AXIN1: variants seen among roughly 807,000 people sequenced by gnomAD.
AXIN1 encodes axin 1, also known as axin-1.
A neutral mutation model predicts 76.4 loss-of-function variants in AXIN1; 30 were observed. The ratio of observed to expected loss-of-function variants is 0.39; its 90% CI spans 0.29 to 0.53. The LOEUF is 0.53. AXIN1 is among the 20% of genes least tolerant of loss of function. AXIN1 has a pLI of 0.66. For synonymous variants in AXIN1, 545 were observed against 501.4 expected (o/e 1.09, Z -1.16); for missense variants, 1,140 against 1,198.8 (o/e 0.95, Z 0.72).
chr16:331,150 C>A (rs189090177), intron 2 of AXIN1, among the ~76,000 whole-genome samples: 1 of 152,064 alleles, frequency 6.6e-6, no homozygotes, highest in African/African-American at 2.4e-5. Context: ...GCTGAAGCTA[C>A]AAGACGAAAA....
intron 3 of AXIN1, among the ~76,000 whole-genome samples, chr16:311,273 G>A (rs975972659): frequency 4.0e-5 from 6 of 151,666 alleles, no homozygotes; most frequent in Non-Finnish European, 5.9e-5. Flanking sequence ...CCCGTGATCC[G>A]CCTGCCTCGG....
chr16:350,578 T>C (rs2054122772), intron 1 of AXIN1, among the ~76,000 whole-genome samples: 1 of 152,156 alleles, frequency 6.6e-6, no homozygotes, highest in Non-Finnish European at 1.5e-5. Context: ...TTGATTTACA[T>C]GGAGGAGGCA....
At chr16:344,740 C>T (rs2054001054) in intron 2 of AXIN1, among the ~76,000 whole-genome samples, 1 of 152,132 alleles carries the variant, frequency 6.6e-6, no homozygotes, top group Non-Finnish European at 1.5e-5. Flanking sequence ...TCGCCCGCCT[C>T]GGCCTCCCAA....
intron 2 of AXIN1, among the ~76,000 whole-genome samples, chr16:344,354 T>C (rs13334701): frequency 0.22 from 31,517 of 141,902 alleles, 3,541 homozygotes; most frequent in South Asian, 0.32. Context: ...GGCGTGAACC[T>C]GGGAGGCGGA....
chr16:310,310 A>G (rs951639530), intron 3 of AXIN1, among the ~76,000 whole-genome samples: 4 of 152,156 alleles, frequency 2.6e-5, no homozygotes, highest in Non-Finnish European at 4.4e-5. Context: ...GCGTCTTCCT[A>G]GCTGGTATTT....
At chr16:288,518 G>A (rs755042309) in intron 10 of AXIN1, among the ~76,000 whole-genome samples, 2 of 152,272 alleles carry the variant, frequency 1.3e-5, no homozygotes, top group African/African-American at 2.4e-5. Flanking sequence ...CCTCTCAGGA[G>A]TTGCAGGGGG....
At chr16:288,767 G>A (rs2052465626) in intron 10 of AXIN1, among the ~76,000 whole-genome samples, 1 of 152,266 alleles carries the variant, frequency 6.6e-6, no homozygotes, top group Non-Finnish European at 1.5e-5. Context: ...GGCCCTGCAG[G>A]GCTGAGTGGC....
chr16:293,248 G>T lies in AXIN1; in HGVS notation c.2186+240C>A. The T allele has an allele frequency of 1.7e-6, 1 of 580,644 alleles. No homozygotes were observed. Among genetic ancestry groups the T allele is most frequent in the East Asian group, 2.8e-5 (1 of 35,152 alleles). 36.0% of individuals were successfully genotyped at this position (580,644 alleles called of 1,614,324 possible). ...AGGTTGAGGAGGGACCCCGCCTCCA[G>T]AGCAATGAGCGCGGCGGCCTCGGGT... On this transcript the variant is annotated intron_variant, in intron 8 of 10. Transcript: ENST00000262320. This position sits in a 1 kb window ranked among gnomAD's most constrained non-coding sequence, Gnocchi z 4.6.
chr16:319,439 A>C (rs1181575106), intron 2 of AXIN1, among the ~76,000 whole-genome samples: 2 of 152,240 alleles, frequency 1.3e-5, no homozygotes, highest in Non-Finnish European at 1.5e-5. Flanking sequence ...CTGATGGCAG[A>C]ATCAATGCCC....
At chr16:317,020 C>A (rs1161558476) in intron 2 of AXIN1, among the ~76,000 whole-genome samples, 1 of 152,226 alleles carries the variant, frequency 6.6e-6, no homozygotes, top group Non-Finnish European at 1.5e-5. Flanking sequence ...GCCGGAGGAA[C>A]TGCCATGTCG....
At chr16:304,724 G>T (rs1314313514) in intron 4 of AXIN1, among the ~76,000 whole-genome samples, 1 of 152,062 alleles carries the variant, frequency 6.6e-6, no homozygotes, top group Non-Finnish European at 1.5e-5. Flanking sequence ...TAGTAGGGAT[G>T]GGGTTTCGTC....
chr16:308,899 A>G (rs1255598731), intron 4 of AXIN1, among the ~76,000 whole-genome samples: 3 of 152,232 alleles, frequency 2.0e-5, no homozygotes, highest in Admixed American at 6.5e-5. Flanking sequence ...AACCATAAAG[A>G]AATTCCTGAC....
Position 304,872 on chromosome 16 carries a change from C to T in AXIN1, c.1117-431G>A, listed in dbSNP as rs75588957. 1.4e-4 allele frequency among the ~76,000 whole-genome samples: 22 copies of T among 152,314 alleles called. No homozygotes were observed. In the East Asian group the frequency reaches 4.2e-3, roughly 29 times the overall value. On this transcript the variant is annotated intron_variant, in intron 4 of 10. Coordinates refer to ENST00000262320, the MANE Select transcript of AXIN1 (RefSeq NM_003502.4). ...TAAAGCAAGAGTTTACTTTTTCCTC[C>T]TTTCAGTTGGGAATCAACTTCCTCA... is the stretch of plus-strand genomic sequence containing the variant.
Position 341,287 on chromosome 16 carries a change from G to A in AXIN1, c.878+4861C>T, listed in dbSNP as rs541684291. On this transcript the variant is annotated intron_variant, in intron 2 of 10. Transcript: ENST00000262320. ...GGAGGGAGAGGCGCGAGCGGGAACC[G>A]CGGCTGCATGCGCTTGCAGGCCAGC... is the stretch of plus-strand genomic sequence containing the variant. Among the ~76,000 whole-genome samples the A allele has an allele frequency of 2.6e-4, 39 of 152,378 alleles. 1 individual carries two copies. The highest frequency in any genetic ancestry group is 8.3e-4 in the South Asian group (4 of 4,834).
intron 2 of AXIN1, among the ~76,000 whole-genome samples, chr16:327,655 G>C (rs1228377289): frequency 6.6e-6 from 1 of 152,242 alleles, no homozygotes; most frequent in Non-Finnish European, 1.5e-5. Flanking sequence ...TGCCATCCCG[G>C]GAGTCCAACA....
chr16:322,633 AAT>A (rs2053484711), intron 2 of AXIN1, among the ~76,000 whole-genome samples: 1 of 152,184 alleles, frequency 6.6e-6, no homozygotes, highest in Admixed American at 6.5e-5. Flanking sequence ...TCTGCCCCTC[AAT>A]ACCCCATCCA....
At position 297,125 on chromosome 16, in the gene AXIN1, T is replaced by A. The variant is rs1225008647; in HGVS notation, c.1886A>T (p.Asn629Ile). 1 of 1,612,850 alleles carries A rather than the reference T, an allele frequency of 6.2e-7. No individual in the cohort carries two copies. Among genetic ancestry groups the A allele is most frequent in the South Asian group, 1.1e-5 (1 of 91,084 alleles). ...VPGASEDAEK[N>I]QKIMQWIIEG... ...AATGATCCACTGCATGATTTTCTGG[T>A]TCTTCTCCGCATCCTCCGAGGCACC... Residue 629 changes from asparagine (N) to isoleucine (I), a missense_variant, in exon 7 of 11, where the codon AAC (asparagine) becomes ATC (isoleucine). Coordinates refer to ENST00000262320, the MANE Select transcript of AXIN1 (RefSeq NM_003502.4).
At chr16:323,448 A>G (rs1172530148) in intron 2 of AXIN1, among the ~76,000 whole-genome samples, 1 of 150,220 alleles carries the variant, frequency 6.7e-6, no homozygotes, top group Admixed American at 6.6e-5. Context: ...CAAAAAAAAA[A>G]AAAAAGAAAG....
chr16:310,248 C>CATGT (rs2053140544), intron 3 of AXIN1, among the ~76,000 whole-genome samples, 179 bp from the exon 4 acceptor site: 1 of 152,198 alleles, frequency 6.6e-6, no homozygotes, highest in Non-Finnish European at 1.5e-5. Flanking sequence ...CACAGGGGAA[C>CATGT]ATGTACACAC....
Sources: allele counts gnomAD v4.1 joint callset (sites outside exome capture counted in the v4.1 genomes callset), GRCh38; gene constraint gnomAD v4.1.1; non-coding constraint Gnocchi (gnomAD v3.1); transcripts MANE v1.5; gene names NCBI Gene and HGNC (gene_info 2026-07-23, HGNC 2026-07-21).